The following CNTNAP2 variants were observed in gnomAD, a reference collection of about 807,000 sequenced individuals.
CNTNAP2 encodes contactin-associated protein-like 2.
In CNTNAP2, 98 loss-of-function variants were observed where a neutral mutation model predicts 155.2. The ratio of observed to expected loss-of-function variants is 0.63; its 90% CI spans 0.54 to 0.75. The LOEUF is 0.75. CNTNAP2 is among the 30% of genes least tolerant of loss of function. The probability of loss-of-function intolerance (pLI) is 0.00; values close to 1 mark genes in which losing one functional copy is unlikely to be tolerated. For synonymous variants in CNTNAP2, 651 were observed against 631.2 expected (o/e 1.03, Z -0.47); for missense variants, 1,727 against 1,688.1 (o/e 1.02, Z -0.40).
At chr7:146,427,132 G>A (rs549807786) in intron 1 of CNTNAP2, among the ~76,000 whole-genome samples, 8 of 151,992 alleles carry the variant, frequency 5.3e-5, no homozygotes, top group African/African-American at 1.2e-4. Flanking sequence ...CCTCCCCTCC[G>A]TGATCATTAA....
At chr7:147,513,827 T>C (rs851845) in intron 11 of CNTNAP2, among the ~76,000 whole-genome samples, 90,683 of 152,118 alleles carry the variant, frequency 0.6, 27,799 homozygotes, top group South Asian at 0.7. Context: ...TGCTTCAATC[T>C]GCACCCGGGG....
At chr7:146,797,324 G>A (rs1166853852) in intron 2 of CNTNAP2, among the ~76,000 whole-genome samples, 1 of 152,152 alleles carries the variant, frequency 6.6e-6, no homozygotes, top group Non-Finnish European at 1.5e-5. Context: ...CAAGGGAAAA[G>A]GTGTTCAAGG....
chr7:147,714,149 A>G (rs907534796), intron 13 of CNTNAP2, among the ~76,000 whole-genome samples: 8 of 152,064 alleles, frequency 5.3e-5, no homozygotes, highest in Non-Finnish European at 1.2e-4. Context: ...TTCCCATTTG[A>G]TAAGGAAAAG....
At chr7:146,968,893 T>C (rs1431828632) in intron 3 of CNTNAP2, among the ~76,000 whole-genome samples, 76 of 145,840 alleles carry the variant, frequency 5.2e-4, no homozygotes, top group African/African-American at 1.6e-3. Context: ...GTTCTTTTAA[T>C]TGTGATGTTA....
In CNTNAP2 at chr7:147,033,190, A is replaced by ATATATATATG. The variant is rs1554427726; in HGVS notation, c.403-10708_403-10707insGTATATATAT. On this transcript the variant is annotated intron_variant, in intron 3 of 23. Transcript: ENST00000361727. Reference sequence around the variant, plus strand: ...TATATATATATATATATATATATATATATATATATATATGGAATATGTTGG... The same window carrying ATATATATATG: ...TATATATATATATATATATATATATATATATATATGTATATATATATATGGAATATGTTGG... 5.7e-4 allele frequency among the ~76,000 whole-genome samples: 53 copies of ATATATATATG among 92,474 alleles called. 1 individual carries two copies. Among genetic ancestry groups the ATATATATATG allele is most frequent in the Non-Finnish European group, 2.7e-4 (12 of 44,346 alleles). 60.7% of individuals were successfully genotyped at this position (92,474 alleles called of 152,430 possible). A position where few individuals can be genotyped will look rare whatever the true frequency, so the allele number is the denominator to read the frequency against.
intron 22 of CNTNAP2, among the ~76,000 whole-genome samples, chr7:148,407,164 T>C (rs1204062437): frequency 6.6e-6 from 1 of 152,164 alleles, no homozygotes; most frequent in Non-Finnish European, 1.5e-5. Context: ...TTATATGTTT[T>C]TATATAAACC....
chr7:147,206,266 A>T (rs1397944610), intron 8 of CNTNAP2, among the ~76,000 whole-genome samples: 1 of 151,390 alleles, frequency 6.6e-6, no homozygotes, highest in African/African-American at 2.4e-5. Flanking sequence ...ACCTGTATAA[A>T]AAAAAAAAAA....
At chr7:146,399,125 A>G (rs1336891847) in intron 1 of CNTNAP2, among the ~76,000 whole-genome samples, 1 of 152,180 alleles carries the variant, frequency 6.6e-6, no homozygotes, top group African/African-American at 2.4e-5. Context: ...ATATGTTTAC[A>G]TTGTAGAATG....
intron 8 of CNTNAP2, among the ~76,000 whole-genome samples, chr7:147,272,664 A>ATTTTTTTTTTTTT (rs71182188): frequency 1.3e-4 from 18 of 138,956 alleles, no homozygotes; most frequent in Non-Finnish European, 2.4e-4. Context: ...CGCCCGGCTA[A>ATTTTTTTTTTTTT]TTTTTTTTTT....
chr7:147,477,399 T>A (rs777705706), intron 10 of CNTNAP2, among the ~76,000 whole-genome samples: 1 of 152,240 alleles, frequency 6.6e-6, no homozygotes, highest in Non-Finnish European at 1.5e-5. Flanking sequence ...CAATTAATAA[T>A]GTAACCCCTT....
intron 14 of CNTNAP2, among the ~76,000 whole-genome samples, chr7:147,925,181 A>AGGAC (rs1800367769): frequency 6.7e-6 from 1 of 149,338 alleles, no homozygotes. Flanking sequence ...GAAGGAAGGA[A>AGGAC]GGAAGGAAGG....
At chr7:147,110,801 G>T (rs1369663626) in intron 5 of CNTNAP2, among the ~76,000 whole-genome samples, 1 of 152,126 alleles carries the variant, frequency 6.6e-6, no homozygotes, top group Non-Finnish European at 1.5e-5. Context: ...TTGATTTCAT[G>T]TCTTTGCTAT....
At chr7:146,353,279 C>T (rs971278136) in intron 1 of CNTNAP2, among the ~76,000 whole-genome samples, 3 of 152,170 alleles carry the variant, frequency 2.0e-5, no homozygotes, top group Non-Finnish European at 4.4e-5. Context: ...AACAGTAGTA[C>T]TTGACATGGC....
At chr7:146,899,587 TG>T (rs1471228573) in intron 3 of CNTNAP2, among the ~76,000 whole-genome samples, 1 of 152,182 alleles carries the variant, frequency 6.6e-6, no homozygotes, top group Non-Finnish European at 1.5e-5. Flanking sequence ...TAAAACAGGT[TG>T]GTGTCATGGC....
intron 20 of CNTNAP2, 105 bp from the exon 21 acceptor site, chr7:148,266,928 C>A: frequency 9.6e-7 from 1 of 1,036,980 alleles, no homozygotes; most frequent in South Asian, 1.3e-5. Flanking sequence ...AATAAGATAT[C>A]AGAAAACCAG....
chr7:147,547,601 GT>G (rs750104043), intron 11 of CNTNAP2, among the ~76,000 whole-genome samples: 106 of 148,202 alleles, frequency 7.2e-4, no homozygotes, highest in Non-Finnish European at 2.1e-4. Flanking sequence ...TTTTATTTTT[GT>G]TTTTTTGTTT....
intron 3 of CNTNAP2, among the ~76,000 whole-genome samples, chr7:146,983,729 T>G (rs1798063738): frequency 6.6e-6 from 1 of 152,194 alleles, no homozygotes; most frequent in Non-Finnish European, 1.5e-5. Flanking sequence ...ATATCTTCAT[T>G]GGAGCACTAT....
chr7:148,365,025 G>C (rs556400337), intron 21 of CNTNAP2, among the ~76,000 whole-genome samples: 1 of 152,112 alleles, frequency 6.6e-6, no homozygotes, highest in Non-Finnish European at 1.5e-5. Flanking sequence ...CTCCAGACGC[G>C]CCACCTTAAG....
At chr7:146,458,128 A>C (rs1584934673) in intron 1 of CNTNAP2, among the ~76,000 whole-genome samples, 1 of 152,024 alleles carries the variant, frequency 6.6e-6, no homozygotes, top group East Asian at 1.9e-4. Context: ...GGAACAACAC[A>C]CACTGGGGCC....
Sources: gnomAD v4.1 joint callset for allele counts (sites outside exome capture counted in the v4.1 genomes callset) on GRCh38, gnomAD v4.1.1 for gene constraint, MANE v1.5 for transcripts, NCBI Gene and HGNC (gene_info 2026-07-23, HGNC 2026-07-21) for gene names.